SRCIN1: variants seen among roughly 807,000 people sequenced by gnomAD.
SRCIN1 encodes the protein SRC kinase signaling inhibitor 1, also known as P130Cas-associated protein.
Under a neutral mutation model 116.2 loss-of-function variants are expected in SRCIN1, and 50 were observed. That is an observed-to-expected ratio of 0.43 (90% CI 0.34 to 0.54). The LOEUF is 0.54. SRCIN1 is among the 20% of genes least tolerant of loss of function. SRCIN1 has a pLI of 0.02. For synonymous variants in SRCIN1, 736 were observed against 750.0 expected (o/e 0.98, Z 0.30); for missense variants, 1,446 against 1,672.0 (o/e 0.86, Z 2.36).
chr17:38,543,102 ACT>A (rs571941514), intron 18 of SRCIN1: 17 of 456,556 alleles, frequency 3.7e-5, no homozygotes, highest in African/African-American at 3.4e-4. Flanking sequence ...AGGTATGTCC[ACT>A]CTCCACACAG....
chr17:38,605,405 G>A (rs1177434367), intron 1 of SRCIN1, among the ~76,000 whole-genome samples: 1 of 138,324 alleles, frequency 7.2e-6, no homozygotes, highest in Non-Finnish European at 1.6e-5. Flanking sequence ...ACCCCGGGGC[G>A]TAGTGAGGCC....
intron 1 of SRCIN1, among the ~76,000 whole-genome samples, chr17:38,580,326 T>C (rs1233319641): frequency 3.3e-5 from 5 of 151,964 alleles, no homozygotes; most frequent in South Asian, 2.1e-4. Context: ...CCCTGGGCAA[T>C]GGTTGGGTTG....
rs1907604836 is a variant in SRCIN1 at position 38,578,791 on chromosome 17, T to C, written c.23A>G (p.Asp8Gly). Residue 8 changes from aspartate to glycine, a missense_variant and splice_region_variant, in exon 2 of 19, where the codon GAT (aspartate) becomes GGT (glycine). Coordinates refer to ENST00000617146, the MANE Select transcript of SRCIN1 (RefSeq NM_025248.3). The stretch of plus-strand genomic sequence containing the variant: ...CATGGGGGGGCTGCTCCGCTCCGGA[T>C]CTGCGAGAGGTGAGAGGGGCACGGC... MGNAPSQ[D>G]PERSSPPMLS... The C allele has an allele frequency of 6.7e-7, 1 of 1,490,332 alleles. No individual in the cohort carries two copies. The highest frequency in any genetic ancestry group is 8.9e-7 in the Non-Finnish European group (1 of 1,121,884). The allele number at this position is 1,490,332 out of a possible 1,614,324, so 92.3% of individuals were successfully genotyped here. A position where few individuals can be genotyped will look rare whatever the true frequency, so the allele number is the denominator to read the frequency against.
At chr17:38,570,611 T>G (rs1233226712) in intron 2 of SRCIN1, among the ~76,000 whole-genome samples, 1 of 148,172 alleles carries the variant, frequency 6.7e-6, no homozygotes, top group Non-Finnish European at 1.5e-5. Context: ...TGTCAACACA[T>G]CAGACTCAGG....
In SRCIN1 at chr17:38,559,706, C is replaced by G. The variant is rs1380095380; in HGVS notation, c.1904G>C (p.Ser635Thr). 1 of 1,585,450 alleles carries G rather than the reference C, an allele frequency of 6.3e-7. No homozygotes were observed. Among genetic ancestry groups the G allele is most frequent in the South Asian group, 1.1e-5 (1 of 89,260 alleles). The part of the protein sequence containing the change: ...PVSGPPPPSA[S>T]STPAGQPTAV... Reference sequence around the variant, plus strand: ...GGTAGGCTGACCTGCGGGGGTGCTGCTGGCCGAGGGCGGGGGCGGGCCGGA... The same window carrying G: ...GGTAGGCTGACCTGCGGGGGTGCTGGTGGCCGAGGGCGGGGGCGGGCCGGA... Residue 635 changes from serine to threonine, a missense_variant, in exon 10 of 19, where the codon AGC becomes ACC. Ser to Thr is a moderately conservative substitution (Grantham distance 58). Around this residue, in one of 5 missense-constraint regions of SRCIN1, gnomAD observed 398 missense variants for 385.6 expected, o/e 1.03. Coordinates refer to ENST00000617146, the MANE Select transcript of SRCIN1 (RefSeq NM_025248.3).
intron 2 of SRCIN1, among the ~76,000 whole-genome samples, chr17:38,577,006 G>A (rs1035040732): frequency 6.6e-5 from 10 of 152,150 alleles, no homozygotes; most frequent in Middle Eastern, 3.4e-3. Flanking sequence ...GAGCCTTCTC[G>A]CCGGCCAGGT....
chr17:38,559,852 ACT>A, intron 9 of SRCIN1, 80 bp from the exon 10 acceptor site: 1 of 1,439,160 alleles, frequency 6.9e-7, no homozygotes, highest in Non-Finnish European at 9.3e-7. Flanking sequence ...AGTCCTCCCT[ACT>A]CTCCGACCCC....
chr17:38,562,334 C>A lies in SRCIN1; in HGVS notation c.835-6G>T. On this transcript the variant is annotated splice_polypyrimidine_tract_variant and splice_region_variant and intron_variant, in intron 6 of 18. Transcript: ENST00000617146. The surrounding 1 kb of genome is among the most constrained non-coding windows in gnomAD (Gnocchi z 4.2). ...GATGCGTACACCATCTCTCTCTGCG[C>A]AGAAGACAGCCCGGAACCCCACGGG... The A allele has an allele frequency of 2.1e-6, 3 of 1,453,334 alleles. No homozygotes were observed. Among genetic ancestry groups the A allele is most frequent in the Non-Finnish European group, 2.7e-6 (3 of 1,112,618 alleles). 90.0% of individuals were successfully genotyped at this position (1,453,334 alleles called of 1,614,324 possible). A position where few individuals can be genotyped will look rare whatever the true frequency, so the allele number is the denominator to read the frequency against.
At chr17:38,567,527 C>T (rs570431686) in intron 3 of SRCIN1, among the ~76,000 whole-genome samples, 7 of 152,224 alleles carry the variant, frequency 4.6e-5, no homozygotes, top group African/African-American at 9.6e-5. Flanking sequence ...GCCTCCCACC[C>T]GCTGTCATGA....
chr17:38,563,950 C>T lies in SRCIN1; in HGVS notation c.541+168G>A, dbSNP rs1180846717. The stretch of plus-strand genomic sequence containing the variant: ...AGGGGTCGGGTGGGGATGCTGAGGG[C>T]GAGAGAGAGATGGAGAGAGCTGGGG... On this transcript the variant is annotated intron_variant, in intron 4 of 18. Coordinates refer to ENST00000617146, the MANE Select transcript of SRCIN1 (RefSeq NM_025248.3). The surrounding 1 kb of genome is among the most constrained non-coding windows in gnomAD (Gnocchi z 5.8). The T allele has an allele frequency of 5.4e-6, 4 of 739,610 alleles. No homozygotes were observed. The highest frequency in any genetic ancestry group is 3.6e-5 in the South Asian group (2 of 54,940). 45.8% of individuals were successfully genotyped at this position (739,610 alleles called of 1,614,324 possible).
At chr17:38,539,219 C>T (rs1904577812) in intron 18 of SRCIN1, among the ~76,000 whole-genome samples, 1 of 152,166 alleles carries the variant, frequency 6.6e-6, no homozygotes, top group African/African-American at 2.4e-5. Flanking sequence ...AAACTTGGTA[C>T]CTAACAGGTA....
rs75314200 is a variant in SRCIN1, at chr17:38,587,002, G to A, written c.23-8211C>T. 5.5e-4 allele frequency among the ~76,000 whole-genome samples: 84 copies of A among 152,096 alleles called. 1 individual carries two copies. The East Asian group carries it at 0.013, about 23-fold the overall frequency. ...TCAAGCTCCCTGCGGGTGGGCACCCGGGGAGGGGGGCGGGCATCAGATGCT... is the reference window on the plus strand; with the variant it reads ...TCAAGCTCCCTGCGGGTGGGCACCCAGGGAGGGGGGCGGGCATCAGATGCT... On this transcript the variant is annotated intron_variant, in intron 1 of 18. Transcript: ENST00000617146.
intron 14 of SRCIN1, 141 bp downstream of exon 14, chr17:38,551,745 C>T (rs748681594): frequency 4.3e-4 from 592 of 1,386,982 alleles, no homozygotes; most frequent in Non-Finnish European, 5.7e-4. Flanking sequence ...CATTATGCTT[C>T]TTAGGCTTCC....
At chr17:38,576,954 A>G (rs1346186292) in intron 2 of SRCIN1, among the ~76,000 whole-genome samples, 1 of 151,512 alleles carries the variant, frequency 6.6e-6, no homozygotes. Flanking sequence ...CATCTGCCCC[A>G]CTTTTTCAGT....
At chr17:38,573,754 T>C (rs1348183838) in intron 2 of SRCIN1, among the ~76,000 whole-genome samples, 1 of 152,240 alleles carries the variant, frequency 6.6e-6, no homozygotes, top group Non-Finnish European at 1.5e-5. Context: ...ACCATCCCTG[T>C]CCTAGCCCCA....
At chr17:38,536,493 C>T (rs1904388784) in intron 18 of SRCIN1, among the ~76,000 whole-genome samples, 1 of 152,264 alleles carries the variant, frequency 6.6e-6, no homozygotes, top group Non-Finnish European at 1.5e-5. Flanking sequence ...CCACCCTGCA[C>T]ACCTCCCTCT....
intron 18 of SRCIN1, among the ~76,000 whole-genome samples, chr17:38,539,689 C>T (rs556237028): frequency 1.3e-5 from 2 of 152,282 alleles, no homozygotes; most frequent in South Asian, 2.1e-4. Flanking sequence ...GGTACCTCGG[C>T]ATCCCTTGTT....
chr17:38,574,567 G>C (rs907688013), intron 2 of SRCIN1, among the ~76,000 whole-genome samples: 3 of 152,136 alleles, frequency 2.0e-5, no homozygotes, highest in Non-Finnish European at 4.4e-5. Flanking sequence ...AACCCACAGA[G>C]CAAGGTCAGG....
At chr17:38,591,032 T>TG (rs1325916722) in intron 1 of SRCIN1, among the ~76,000 whole-genome samples, 1 of 152,110 alleles carries the variant, frequency 6.6e-6, no homozygotes, top group African/African-American at 2.4e-5. Context: ...AGGCTGGAAG[T>TG]GGGGGTCCCA....
Sources: allele counts gnomAD v4.1 joint callset (sites outside exome capture counted in the v4.1 genomes callset), GRCh38; gene constraint gnomAD v4.1.1; regional missense constraint gnomAD v4.1.1; non-coding constraint Gnocchi (gnomAD v3.1); transcripts MANE v1.5; gene names NCBI Gene and HGNC (gene_info 2026-07-23, HGNC 2026-07-21).